Variants in DCC observed in about 807,000 individuals in gnomAD.
DCC encodes the protein netrin receptor DCC.
In DCC, 58 loss-of-function variants were observed where a neutral mutation model predicts 172.5. The observed-to-expected ratio is 0.34, with a 90% CI of 0.27 to 0.42. DCC has a LOEUF of 0.42. Among genes scored for constraint, DCC ranks in the 10% least tolerant of loss-of-function variants. The pLI is 1.00. For missense variants in DCC, 1,740 were observed against 1,791.0 expected, an observed-to-expected ratio of 0.97 and a Z score of 0.51; for synonymous variants, 709 against 644.5, an observed-to-expected ratio of 1.10 and a Z score of -1.52.
intron 12 of DCC, among the ~76,000 whole-genome samples, chr18:53,254,263 T>C (rs1477259552): frequency 6.6e-6 from 1 of 152,014 alleles, no homozygotes; most frequent in Non-Finnish European, 1.5e-5. Flanking sequence ...CCTGGAAAGG[T>C]AGGGAATCCA....
rs1568192793 is a variant in DCC, at chr18:53,533,238, A to T, written c.*2585A>T. 6.6e-6 allele frequency: 1 copy of T among 152,188 alleles called. No homozygotes were observed. The highest frequency in any genetic ancestry group is 1.5e-5 in the Non-Finnish European group (1 of 68,038). 9.4% of individuals were successfully genotyped at this position (152,188 alleles called of 1,614,324 possible). On this transcript the variant is annotated 3_prime_UTR_variant, in exon 29 of 29. Transcript: ENST00000442544. ...CCAGTCTCCTGATCTCTTGACAAGAAGAAACCTGTGAATACTGCAAACTAG... is the reference window on the plus strand; with the variant it reads ...CCAGTCTCCTGATCTCTTGACAAGATGAAACCTGTGAATACTGCAAACTAG...
At chr18:52,808,439 G>T (rs1368356416) in intron 2 of DCC, among the ~76,000 whole-genome samples, 2 of 148,156 alleles carry the variant, frequency 1.3e-5, no homozygotes, top group African/African-American at 5.0e-5. Flanking sequence ...ACCCACAAAA[G>T]TCTCAATATC....
At chr18:52,827,772 T>G (rs925631250) in intron 2 of DCC, among the ~76,000 whole-genome samples, 2 of 152,204 alleles carry the variant, frequency 1.3e-5, no homozygotes, top group African/African-American at 4.8e-5. Context: ...TGACTTGATT[T>G]TAAAATGTAT....
chr18:52,556,973 T>C (rs1460715449), intron 1 of DCC, among the ~76,000 whole-genome samples: 1 of 152,184 alleles, frequency 6.6e-6, no homozygotes, highest in Non-Finnish European at 1.5e-5. Flanking sequence ...GTGTATTTGT[T>C]AAAATAGGAA....
At chr18:52,406,821 G>A (rs1430867540) in intron 1 of DCC, among the ~76,000 whole-genome samples, 1 of 152,050 alleles carries the variant, frequency 6.6e-6, no homozygotes, top group Non-Finnish European at 1.5e-5. Flanking sequence ...AGCAATCTAT[G>A]TAGGTAGATT....
intron 8 of DCC, among the ~76,000 whole-genome samples, chr18:53,170,926 C>T (rs2055004632): frequency 6.6e-6 from 1 of 152,106 alleles, no homozygotes; most frequent in African/African-American, 2.4e-5. Flanking sequence ...TACTCTGTCA[C>T]CCAAGCTGGA....
chr18:53,375,109 T>C (rs1409320520), intron 15 of DCC, among the ~76,000 whole-genome samples: 1 of 152,176 alleles, frequency 6.6e-6, no homozygotes, highest in Non-Finnish European at 1.5e-5. Flanking sequence ...GCCTACCTTT[T>C]AGGGTTCCTA....
At chr18:53,384,735 TC>T (rs1908012128) in intron 15 of DCC, among the ~76,000 whole-genome samples, 1 of 152,268 alleles carries the variant, frequency 6.6e-6, no homozygotes, top group South Asian at 2.1e-4. Context: ...GATCTATTTT[TC>T]TTGGGTGTTT....
intron 1 of DCC, among the ~76,000 whole-genome samples, chr18:52,671,076 A>G (rs2035543508): frequency 6.6e-6 from 1 of 152,156 alleles, no homozygotes; most frequent in Non-Finnish European, 1.5e-5. Flanking sequence ...AACCGAGCTT[A>G]TATTTATCAT....
intron 2 of DCC, among the ~76,000 whole-genome samples, chr18:52,821,609 A>C (rs1482364467): frequency 6.6e-6 from 1 of 152,208 alleles, no homozygotes; most frequent in Non-Finnish European, 1.5e-5. Context: ...GAAAGTCATC[A>C]GTGACCTGCA....
chr18:52,650,273 C>G (rs530573700), intron 1 of DCC, among the ~76,000 whole-genome samples: 1 of 152,118 alleles, frequency 6.6e-6, no homozygotes, highest in South Asian at 2.1e-4. Context: ...GCCACCACAC[C>G]CGGCCTCTAT....
intron 5 of DCC, among the ~76,000 whole-genome samples, chr18:53,010,950 G>T (rs2041721549): frequency 6.6e-6 from 1 of 150,982 alleles, no homozygotes; most frequent in African/African-American, 2.4e-5. Flanking sequence ...AACATAAAGT[G>T]GTGGATACTC....
At chr18:52,999,540 A>G (rs1201642168) in intron 5 of DCC, among the ~76,000 whole-genome samples, 2 of 152,194 alleles carry the variant, frequency 1.3e-5, no homozygotes, top group Admixed American at 6.6e-5. Flanking sequence ...GGGCTTTAAT[A>G]AAAACACTGG....
At chr18:52,933,188 G>A (rs953895952) in intron 5 of DCC, among the ~76,000 whole-genome samples, 1 of 152,086 alleles carries the variant, frequency 6.6e-6, no homozygotes, top group Non-Finnish European at 1.5e-5. Context: ...ACCACAGTGT[G>A]AGTAGAAAAC....
chr18:53,363,601 T>C (rs2057972059), intron 15 of DCC, among the ~76,000 whole-genome samples: 1 of 152,124 alleles, frequency 6.6e-6, no homozygotes, highest in African/African-American at 2.4e-5. Context: ...TACACACACA[T>C]ATGGTCGCTT....
intron 1 of DCC, among the ~76,000 whole-genome samples, chr18:52,716,028 A>C (rs994244754): frequency 6.6e-6 from 1 of 151,908 alleles, no homozygotes; most frequent in Non-Finnish European, 1.5e-5. Flanking sequence ...AAAAGAAGGA[A>C]TCCTTTCTTG....
intron 1 of DCC, among the ~76,000 whole-genome samples, chr18:52,742,182 T>C (rs1312838825): frequency 6.6e-6 from 1 of 152,104 alleles, no homozygotes; most frequent in Non-Finnish European, 1.5e-5. Context: ...CAAATCTTTT[T>C]AAGCCACCCA....
chr18:53,512,271 T>C (rs1449907400), intron 27 of DCC, among the ~76,000 whole-genome samples: 1 of 149,178 alleles, frequency 6.7e-6, no homozygotes, highest in Non-Finnish European at 1.5e-5. Context: ...GAAGGAAAAC[T>C]AACAAACAGA....
At chr18:53,092,535 T>G in intron 7 of DCC, among the ~76,000 whole-genome samples, 1 of 152,190 alleles carries the variant, frequency 6.6e-6, no homozygotes, top group East Asian at 1.9e-4. Flanking sequence ...CAATCCATTT[T>G]ATGAATAAAA....
Sources: gnomAD v4.1 joint callset for allele counts (sites outside exome capture counted in the v4.1 genomes callset) on GRCh38, gnomAD v4.1.1 for gene constraint, MANE v1.5 for transcripts, NCBI Gene and HGNC (gene_info 2026-07-23, HGNC 2026-07-21) for gene names.